The following CELA3A variants were observed in gnomAD, a reference collection of about 807,000 sequenced individuals.
The protein encoded by CELA3A is chymotrypsin like elastase 3A.
CELA3A carries 35 observed loss-of-function variants against 38.6 expected under a neutral mutation model. That is an observed-to-expected ratio of 0.91 (90% CI 0.69 to 1.20). The LOEUF is 1.20. Among genes scored for constraint, CELA3A ranks in the 50% most tolerant of loss-of-function variants. The pLI, the probability that CELA3A is intolerant of heterozygous loss-of-function variation, is 0.00. For missense variants in CELA3A, 343 were observed against 354.2 expected (o/e 0.97, Z 0.25); for synonymous variants, 143 against 136.7 (o/e 1.05, Z -0.32).
At chr1:22,002,110 C>T (rs1462676196) in intron 1 of CELA3A, among the ~76,000 whole-genome samples, 3 of 151,186 alleles carry the variant, frequency 2.0e-5, no homozygotes, top group Non-Finnish European at 4.4e-5. Flanking sequence ...GTCTCTCTGC[C>T]ATATTACATT....
At chr1:22,005,210 G>A (rs559196661) in intron 2 of CELA3A, among the ~76,000 whole-genome samples, 1 of 151,812 alleles carries the variant, frequency 6.6e-6, no homozygotes, top group South Asian at 2.1e-4. Context: ...GGAGGTCATA[G>A]TGCTGGTGTG....
intron 4 of CELA3A, chr1:22,006,119 C>T (rs1644948687): frequency 1.2e-5 from 4 of 330,090 alleles, no homozygotes; most frequent in African/African-American, 2.1e-5. Context: ...CCCCCATATC[C>T]GAGGGTTTCT....
rs368210801 is a variant in CELA3A, at chr1:22,009,343, G to A, written c.643-362G>A. 2.9e-3 allele frequency among the ~76,000 whole-genome samples: 435 copies of A among 150,980 alleles called. 14 individuals are homozygous for A. The highest frequency in any genetic ancestry group is 3.8e-3 in the African/African-American group (155 of 40,832). ...CCTGCCACTGTACTCCAGCCTGGGC[G>A]TCAGAGTGAGACTTCGTCTCTAATA... is the stretch of plus-strand genomic sequence containing the variant. On this transcript the variant is annotated intron_variant, in intron 6 of 7. Transcript: ENST00000290122.
At position 22,002,374 on chromosome 1, in the gene CELA3A, T is replaced by C. The variant is rs1644923282; in HGVS notation, c.44-629T>C. Among the ~76,000 whole-genome samples, 4 of 151,304 alleles carry C rather than the reference T, an allele frequency of 2.6e-5. No individual in the cohort carries two copies. In the South Asian group the frequency reaches 8.3e-4, roughly 31 times the overall value. ...CTTAATGTTTTTATTTTTTGCTTTTTTTTTGTAGAGATGGGGTCTTGCTTT... is the reference window on the plus strand; with the variant it reads ...CTTAATGTTTTTATTTTTTGCTTTTCTTTTGTAGAGATGGGGTCTTGCTTT... On this transcript the variant is annotated intron_variant, in intron 1 of 7. Coordinates refer to ENST00000290122, the MANE Select transcript of CELA3A (RefSeq NM_005747.5).
At chr1:22,003,985 T>G (rs1204370590) in intron 2 of CELA3A, among the ~76,000 whole-genome samples, 1 of 151,008 alleles carries the variant, frequency 6.6e-6, no homozygotes, top group African/African-American at 2.5e-5. Flanking sequence ...ATTACAGGTG[T>G]GAGTCACTGC....
intron 1 of CELA3A, 81 bp downstream of exon 1, chr1:22,001,798 CATGA>C: frequency 6.4e-7 from 1 of 1,570,090 alleles, no homozygotes; most frequent in Non-Finnish European, 8.8e-7. Context: ...CTCTGAGTCC[CATGA>C]CATGCTATGC....
intron 4 of CELA3A, 23 bp from the exon 5 acceptor site, chr1:22,006,855 C>T (rs776341044): frequency 6.8e-6 from 11 of 1,609,288 alleles, no homozygotes; most frequent in Middle Eastern, 1.6e-4. Flanking sequence ...GACCAGGCCC[C>T]GTGACTGTTC....
In CELA3A at chr1:22,007,464, C is replaced by T. The variant is rs200714940; in HGVS notation, c.591C>T (p.Thr197=). ...HCSRWNWWGS[T]VKKTMVCAGG... ...CCAGGTGGAACTGGTGGGGTTCCACCGTGAAGAAAACCATGGTGTGTGCTG... is the reference window on the plus strand; with the variant it reads ...CCAGGTGGAACTGGTGGGGTTCCACTGTGAAGAAAACCATGGTGTGTGCTG... Residue 197 remains threonine, a synonymous_variant, in exon 6 of 8, where the codon ACC becomes ACT. Transcript: ENST00000290122. The T allele has an allele frequency of 1.7e-5, 27 of 1,612,546 alleles. No homozygotes were observed. Among genetic ancestry groups the T allele is most frequent in the East Asian group, 4.5e-5 (2 of 44,700 alleles).
intron 2 of CELA3A, among the ~76,000 whole-genome samples, chr1:22,005,147 G>A (rs1157336586): frequency 6.6e-6 from 1 of 151,328 alleles, no homozygotes; most frequent in Non-Finnish European, 1.5e-5. Flanking sequence ...ATAGAACAGA[G>A]GGCCTTCAAG....
intron 2 of CELA3A, 23 bp from the exon 3 acceptor site, chr1:22,005,424 G>A (rs1210672486): frequency 1.2e-6 from 2 of 1,611,470 alleles, no homozygotes; most frequent in South Asian, 1.1e-5. Flanking sequence ...GCCCACTGAG[G>A]CCCTTTCCTC....
At chr1:22,005,031 G>A (rs1362921992) in intron 2 of CELA3A, among the ~76,000 whole-genome samples, 2 of 150,646 alleles carry the variant, frequency 1.3e-5, no homozygotes, top group African/African-American at 2.5e-5. Context: ...CCCGGGAGGC[G>A]GAGGTTGAAA....
At chr1:22,010,263 A>G in intron 7 of CELA3A, 1 of 384,608 alleles carries the variant, frequency 2.6e-6, no homozygotes, top group Non-Finnish European at 5.3e-6. Flanking sequence ...TCATCTGGGG[A>G]TGGGTGATCA....
intron 7 of CELA3A, among the ~76,000 whole-genome samples, chr1:22,011,686 G>T (rs1374917364): frequency 8.1e-6 from 1 of 124,026 alleles, no homozygotes; most frequent in Non-Finnish European, 1.6e-5. Flanking sequence ...CTCGAACTCA[G>T]GAGGCAGAGG....
At position 22,006,048 on chromosome 1, in the gene CELA3A, G is replaced by C. The variant is rs984991474; in HGVS notation, c.362+252G>C. On this transcript the variant is annotated intron_variant, in intron 4 of 7. Transcript: ENST00000290122. ...GGATGGCAGTGTTCAGGGAGGGGCA[G>C]GAACTCTGCCAAGGCCACTTGGCTA... 4 of 527,830 alleles carry C rather than the reference G, an allele frequency of 7.6e-6. No individual in the cohort carries two copies. In the African/African-American group the frequency reaches 7.7e-5, roughly 10 times the overall value. 32.7% of individuals were successfully genotyped at this position (527,830 alleles called of 1,614,324 possible).
At chr1:22,004,669 CCA>C (rs1176821913) in intron 2 of CELA3A, among the ~76,000 whole-genome samples, 11 of 152,020 alleles carry the variant, frequency 7.2e-5, no homozygotes, top group Non-Finnish European at 1.3e-4. Context: ...GCCCCACTGT[CCA>C]CAGTTTGCTA....
In CELA3A at chr1:22,009,851, T is replaced by G. The variant is rs1644973258; in HGVS notation, c.789T>G (p.Ile263Met). The change falls in exon 7 of 8, where the codon ATT becomes ATG. Residue 263 changes from isoleucine to methionine, a missense_variant. By Grantham distance (10) the Ile-to-Met change is conservative. Coordinates refer to ENST00000290122, the MANE Select transcript of CELA3A (RefSeq NM_005747.5). ...FTRVSAFIDW[I>M]EETIASH ...GAGTCTCCGCCTTCATCGACTGGAT[T>G]GAGGAGGTGAGGAGGGCAGGGCGGC... 1 of 1,611,716 alleles carries G rather than the reference T, an allele frequency of 6.2e-7. No individual in the cohort carries two copies. The highest frequency in any genetic ancestry group is 8.5e-7 in the Non-Finnish European group (1 of 1,179,218).
In CELA3A at chr1:22,009,707, T is replaced by C; in HGVS notation, c.645T>C (p.Gly215=). 6.2e-7 allele frequency: 1 copy of C among 1,611,644 alleles called. No homozygotes were observed. The highest frequency in any genetic ancestry group is 1.3e-5 in the African/African-American group (1 of 74,170). ...AGGYIRSGCN[G]DSGGPLNCPT... ...CCACTCCTCTCTGACGGTTCCAGGG[T>C]GACTCTGGAGGACCCCTCAACTGCC... Residue 215 remains glycine, a splice_region_variant and synonymous_variant, in exon 7 of 8, where the codon GGT becomes GGC. Transcript: ENST00000290122.
intron 6 of CELA3A, 65 bp downstream of exon 6, chr1:22,007,580 G>A: frequency 1.3e-6 from 2 of 1,547,686 alleles, no homozygotes; most frequent in Non-Finnish European, 8.7e-7. Flanking sequence ...GGGGCCAACT[G>A]CCTGGAAGGT....
At chr1:22,007,040 C>G (rs1245585238) in intron 5 of CELA3A, 26 bp downstream of exon 5, 1 of 1,608,802 alleles carries the variant, frequency 6.2e-7, no homozygotes. Flanking sequence ...TCTAGCTGGC[C>G]ACAGAGACAG....
Sources: allele counts gnomAD v4.1 joint callset (sites outside exome capture counted in the v4.1 genomes callset), GRCh38; gene constraint gnomAD v4.1.1; transcripts MANE v1.5; gene names NCBI Gene and HGNC (gene_info 2026-07-23, HGNC 2026-07-21).